Variants in EIPR1 observed in about 807,000 individuals in gnomAD.
EIPR1 encodes EARP and GARP complex-interacting protein 1.
EIPR1 carries 25 observed loss-of-function variants against 48.1 expected under a neutral mutation model. The ratio of observed to expected loss-of-function variants is 0.52; its 90% confidence interval spans 0.38 to 0.73. The LOEUF (loss-of-function observed/expected upper bound fraction) is 0.73. Ranked by LOEUF, EIPR1 falls within the 30% of genes least tolerant of loss-of-function variation. The probability of loss-of-function intolerance (pLI) is 0.00; values close to 1 mark genes in which losing one functional copy is unlikely to be tolerated. For synonymous variants in EIPR1, 204 were observed against 201.9 expected, an observed-to-expected ratio of 1.01 and a Z score of -0.09; for missense variants, 415 against 506.2, an observed-to-expected ratio of 0.82 and a Z score of 1.73.
intron 3 of EIPR1, among the ~76,000 whole-genome samples, chr2:3,259,214 A>C (rs1362884446): frequency 6.6e-6 from 1 of 152,214 alleles, no homozygotes; most frequent in East Asian, 1.9e-4. Context: ...AAATGAATGA[A>C]ATACACAAGA....
chr2:3,286,592 A>G lies in EIPR1; in HGVS notation c.260-29137T>C, dbSNP rs1668193288. 6.6e-6 allele frequency among the ~76,000 whole-genome samples: 1 copy of G among 152,208 alleles called. No individual in the cohort carries two copies. Among genetic ancestry groups the G allele is most frequent in the Admixed American group, 6.5e-5 (1 of 15,288 alleles). Reference sequence around the variant, plus strand: ...AAGCGTTTTCATAAGCACTTGTCATATGTCATATGCAGTGTGCTCCAGGGG... The same window carrying G: ...AAGCGTTTTCATAAGCACTTGTCATGTGTCATATGCAGTGTGCTCCAGGGG... On this transcript the variant is annotated intron_variant, in intron 3 of 8. Transcript: ENST00000382125. This position sits in a 1 kb window ranked among gnomAD's most constrained non-coding sequence, Gnocchi z 4.2.
At chr2:3,191,409 C>T (rs76343328) in intron 8 of EIPR1, among the ~76,000 whole-genome samples, 20 of 148,890 alleles carry the variant, frequency 1.3e-4, no homozygotes, top group Non-Finnish European at 1.8e-4. Context: ...AGAGAGGGTC[C>T]GAAGACAGAG....
intron 3 of EIPR1, among the ~76,000 whole-genome samples, chr2:3,333,993 G>T (rs1343741005): frequency 1.3e-5 from 2 of 152,150 alleles, no homozygotes; most frequent in Non-Finnish European, 1.5e-5. Flanking sequence ...TTCATTAAAA[G>T]ATGCCACCGT....
intron 2 of EIPR1, chr2:3,353,184 A>T (rs1239969433): frequency 8.6e-6 from 4 of 462,732 alleles, no homozygotes; most frequent in Non-Finnish European, 4.5e-6. Flanking sequence ...AAAGCATGAT[A>T]TGTTTAGGGT....
intron 5 of EIPR1, among the ~76,000 whole-genome samples, chr2:3,199,657 C>G (rs61634121): frequency 9.1e-6 from 1 of 109,590 alleles, no homozygotes; most frequent in East Asian, 3.0e-4. Context: ...CTATGGGGGG[C>G]GTGTCCACAT....
At chr2:3,309,631 C>T (rs1033271385) in intron 3 of EIPR1, among the ~76,000 whole-genome samples, 9 of 152,092 alleles carry the variant, frequency 5.9e-5, no homozygotes, top group African/African-American at 2.4e-5. Flanking sequence ...CCTCCCAAAA[C>T]CCAGAGCATC....
chr2:3,285,476 C>A (rs954689258), intron 3 of EIPR1, among the ~76,000 whole-genome samples: 3 of 152,182 alleles, frequency 2.0e-5, no homozygotes, highest in African/African-American at 7.2e-5. Context: ...GGGGACTGAG[C>A]ACTTCTAGCT....
intron 3 of EIPR1, among the ~76,000 whole-genome samples, chr2:3,267,645 G>T (rs1476838112): frequency 1.3e-5 from 2 of 152,232 alleles, no homozygotes; most frequent in African/African-American, 4.8e-5. Flanking sequence ...CTGTTGCCTG[G>T]CAAGGCCAGC....
chr2:3,235,350 G>A (rs1417430873), intron 4 of EIPR1, among the ~76,000 whole-genome samples: 1 of 152,244 alleles, frequency 6.6e-6, no homozygotes, highest in Non-Finnish European at 1.5e-5. Context: ...ATGACCATCT[G>A]CACAGCAGTG....
intron 3 of EIPR1, among the ~76,000 whole-genome samples, chr2:3,270,792 G>A (rs760689453): frequency 3.3e-5 from 5 of 152,190 alleles, no homozygotes; most frequent in Non-Finnish European, 7.3e-5. Flanking sequence ...TCAGGGTGGT[G>A]GCTACTGAAG....
At chr2:3,310,402 C>G (rs1669087078) in intron 3 of EIPR1, among the ~76,000 whole-genome samples, 2 of 151,054 alleles carry the variant, frequency 1.3e-5, no homozygotes, top group African/African-American at 2.4e-5. Context: ...GCCTGTAATC[C>G]CAGCACTTTG....
chr2:3,268,559 C>A (rs956684829), intron 3 of EIPR1, among the ~76,000 whole-genome samples: 1 of 152,130 alleles, frequency 6.6e-6, no homozygotes, highest in Non-Finnish European at 1.5e-5. Flanking sequence ...CCACACTTAG[C>A]GCTTCTTTAT....
intron 3 of EIPR1, among the ~76,000 whole-genome samples, chr2:3,272,915 CCT>C (rs1667740756): frequency 6.6e-6 from 1 of 151,068 alleles, no homozygotes; most frequent in Non-Finnish European, 1.5e-5. Context: ...GTTTCTTGAC[CCT>C]GACTGACAAA....
rs1253356063 is a variant in EIPR1 at position 3,194,352 on chromosome 2, G to A, written c.654-186C>T. 5.0e-6 allele frequency: 3 copies of A among 601,050 alleles called. No individual in the cohort carries two copies. In the Admixed American group the frequency reaches 9.1e-5, roughly 18 times the overall value. 37.2% of individuals were successfully genotyped at this position (601,050 alleles called of 1,614,324 possible). On this transcript the variant is annotated intron_variant, in intron 6 of 8. Coordinates refer to ENST00000382125, the MANE Select transcript of EIPR1 (RefSeq NM_003310.5). ...CCACCTCCTCCATCCCAGCAACCCT[G>A]TGTGGTCGCACCACGCTCATCTCTC...
intron 3 of EIPR1, among the ~76,000 whole-genome samples, chr2:3,299,170 T>C (rs1042684870): frequency 1.3e-5 from 2 of 152,254 alleles, no homozygotes; most frequent in Admixed American, 6.5e-5. Flanking sequence ...TCACAAGTCC[T>C]AGCTGTTGCT....
chr2:3,303,296 G>A (rs1295964829), intron 3 of EIPR1, among the ~76,000 whole-genome samples: 4 of 152,222 alleles, frequency 2.6e-5, no homozygotes, highest in African/African-American at 7.2e-5. Context: ...CAGGCTAAGG[G>A]GAGCCTCTGG....
In EIPR1 at chr2:3,237,769, C is replaced by T. The variant is rs111426207; in HGVS notation, c.416+19530G>A. Among the ~76,000 whole-genome samples, 1,107 of 152,284 alleles carry T rather than the reference C, an allele frequency of 7.3e-3. 15 individuals carry two copies. Among genetic ancestry groups the T allele is most frequent in the African/African-American group, 0.025 (1,021 of 41,544 alleles). On this transcript the variant is annotated intron_variant, in intron 4 of 8. Transcript: ENST00000382125. ...CTGCATCTCTCTGAGCCTTGGTTTC[C>T]GCTTCCGTCCAGCGGGGAGAATAGC...
At chr2:3,372,469 A>G (rs1468530083) in intron 1 of EIPR1, among the ~76,000 whole-genome samples, 1 of 152,074 alleles carries the variant, frequency 6.6e-6, no homozygotes, top group African/African-American at 2.4e-5. Context: ...GATCAACAAA[A>G]TTGATAGACC....
intron 3 of EIPR1, among the ~76,000 whole-genome samples, chr2:3,277,325 G>T (rs886535900): frequency 6.6e-6 from 1 of 151,762 alleles, no homozygotes; most frequent in Admixed American, 6.6e-5. Flanking sequence ...TCCATTCAAC[G>T]CATTGAAACT....
Sources: allele counts gnomAD v4.1 joint callset (sites outside exome capture counted in the v4.1 genomes callset), GRCh38; gene constraint gnomAD v4.1.1; non-coding constraint Gnocchi (gnomAD v3.1); transcripts MANE v1.5; gene names NCBI Gene and HGNC (gene_info 2026-07-23, HGNC 2026-07-21).